The following PRPF39 variants were observed in gnomAD, a reference collection of about 807,000 sequenced individuals.
PRPF39 encodes pre-mRNA-processing factor 39.
In PRPF39, 27 loss-of-function variants were observed where a neutral mutation model predicts 82.1. The ratio of observed to expected loss-of-function variants is 0.33; its 90% CI spans 0.24 to 0.45. PRPF39 has a LOEUF of 0.45. Among genes scored for constraint, PRPF39 ranks in the 20% least tolerant of loss-of-function variants. PRPF39 has a pLI of 1.00. For synonymous variants in PRPF39, 261 were observed against 256.4 expected, an observed-to-expected ratio of 1.02 and a Z score of -0.17; for missense variants, 581 against 796.9, an observed-to-expected ratio of 0.73 and a Z score of 3.26.
rs749729923 is a variant in PRPF39, at chr14:45,114,559, T to C, written c.1898T>C (p.Ile633Thr). The change falls in exon 13 of 14, where the codon ATT becomes ACT. Residue 633 changes from isoleucine to threonine, a missense_variant. Transcript: ENST00000355765. ...ACAACTTCATCATCTACACAGATGA[T>C]TGATGGTGATTTACAGGCAAACCAA... is the stretch of plus-strand genomic sequence containing the variant. ...EDTTSSSTQM[I>T]DGDLQANQAV... The C allele has an allele frequency of 1.2e-5, 20 of 1,608,500 alleles. No homozygotes were observed. Among genetic ancestry groups the C allele is most frequent in the South Asian group, 3.3e-5 (3 of 89,730 alleles).
chr14:45,095,380 C>G lies in PRPF39; in HGVS notation c.141C>G (p.Asp47Glu). The G allele has an allele frequency of 6.2e-7, 1 of 1,613,970 alleles. No homozygotes were observed. The highest frequency in any genetic ancestry group is 8.5e-7 in the Non-Finnish European group (1 of 1,179,872). ...NVTEMEQSPD[D>E]SPNVNASTEE... ...CAGAAATGGAACAGTCACCTGATGA[C>G]TCTCCCAATGTGAATGCATCTACAG... Residue 47 changes from aspartate to glutamate, a missense_variant, in exon 2 of 14, where the codon GAC (aspartate) becomes GAG (glutamate). Physicochemically the swap from Asp to Glu is conservative, Grantham distance 45. Transcript: ENST00000355765.
rs564401498 is a variant in PRPF39, at chr14:45,107,264, G to A, written c.738-187G>A. On this transcript the variant is annotated intron_variant, in intron 5 of 13. Transcript: ENST00000355765. ...AAGAAATTGAAGATGTCTATAGACT[G>A]TTTTATCATATGGTAGTGTTTTATC... Among the ~76,000 whole-genome samples the A allele has an allele frequency of 1.4e-3, 208 of 152,208 alleles. 1 individual carries two copies. Among genetic ancestry groups the A allele is most frequent in the Non-Finnish European group, 2.3e-3 (158 of 68,004 alleles).
intron 1 of PRPF39, among the ~76,000 whole-genome samples, chr14:45,091,807 G>T (rs923373431): frequency 6.6e-6 from 1 of 152,196 alleles, no homozygotes; most frequent in Non-Finnish European, 1.5e-5. Flanking sequence ...GGGATATAAA[G>T]CAATGGACAG....
intron 5 of PRPF39, among the ~76,000 whole-genome samples, chr14:45,106,168 G>A (rs898856698): frequency 6.6e-6 from 1 of 151,944 alleles, no homozygotes; most frequent in Non-Finnish European, 1.5e-5. Flanking sequence ...TGCCAACAAG[G>A]TGAAACCCCG....
chr14:45,107,205 G>A (rs954938100), intron 5 of PRPF39, among the ~76,000 whole-genome samples: 4 of 152,128 alleles, frequency 2.6e-5, no homozygotes, highest in Admixed American at 1.3e-4. Context: ...ATTTATGCCC[G>A]TCCATGCCTT....
intron 1 of PRPF39, among the ~76,000 whole-genome samples, chr14:45,091,467 G>A (rs1884022916): frequency 6.6e-6 from 1 of 152,168 alleles, no homozygotes; most frequent in African/African-American, 2.4e-5. Flanking sequence ...TGATGGAAAT[G>A]TTTTAGAATC....
At position 45,107,578 on chromosome 14, in the gene PRPF39, C is replaced by T. The variant is rs1396236469; in HGVS notation, c.865C>T (p.Leu289=). The T allele has an allele frequency of 6.4e-7, 1 of 1,552,550 alleles. No homozygotes were observed. Among genetic ancestry groups the T allele is most frequent in the East Asian group, 2.4e-5 (1 of 40,998 alleles). Residue 289 remains leucine (L), a synonymous_variant, in exon 6 of 14, where the codon CTA becomes TTA. Transcript: ENST00000355765. ...TGATGATGGTCCTCCTGGTGATGAT[C>T]TACCATCGGGAATTGAAGACATAAC... ...SGDDGPPGDD[L]PSGIEDITDP...
intron 1 of PRPF39, among the ~76,000 whole-genome samples, chr14:45,087,824 T>C (rs1883889559): frequency 6.7e-6 from 1 of 150,082 alleles, no homozygotes; most frequent in South Asian, 2.1e-4. Context: ...CCTGACCTCA[T>C]GATCCGCCCG....
intron 1 of PRPF39, among the ~76,000 whole-genome samples, chr14:45,085,181 C>T (rs932783908): frequency 1.3e-5 from 2 of 152,114 alleles, no homozygotes; most frequent in East Asian, 1.9e-4. Flanking sequence ...AAAGAACAAG[C>T]GTCTACTGTC....
intron 4 of PRPF39, among the ~76,000 whole-genome samples, chr14:45,102,190 TTGTCTTC>T (rs1884396837): frequency 6.6e-6 from 1 of 152,198 alleles, no homozygotes; most frequent in African/African-American, 2.4e-5. Context: ...TGTTTTAATT[TTGTCTTC>T]TGTCATAAAT....
intron 5 of PRPF39, among the ~76,000 whole-genome samples, chr14:45,105,933 C>T (rs1319498934): frequency 5.9e-5 from 9 of 152,018 alleles, no homozygotes; most frequent in Admixed American, 4.6e-4. Flanking sequence ...TTAAAAGTCC[C>T]GAGGTGATGA....
chr14:45,109,334 A>G (rs1884633736), intron 7 of PRPF39, among the ~76,000 whole-genome samples: 1 of 152,166 alleles, frequency 6.6e-6, no homozygotes, highest in South Asian at 2.1e-4. Flanking sequence ...TTCTGTCACT[A>G]TGGTTGTTCA....
chr14:45,097,783 CA>C (rs1224597475), intron 4 of PRPF39, among the ~76,000 whole-genome samples: 1 of 152,046 alleles, frequency 6.6e-6, no homozygotes, highest in Non-Finnish European at 1.5e-5. Flanking sequence ...TTCTTGATTA[CA>C]GTAGTTTGCT....
Position 45,095,553 on chromosome 14 carries a change from T to A in PRPF39, c.314T>A (p.Val105Glu). The change falls in exon 2 of 14, where the codon GTA (valine) becomes GAA (glutamate). Residue 105 changes from valine (V) to glutamate (E), a missense_variant. Physicochemically the swap from Val to Glu is moderately radical, Grantham distance 121. Coordinates refer to ENST00000355765, the MANE Select transcript of PRPF39 (RefSeq NM_017922.4). ...FTGWVYLLQY[V>E]EQENHLMAAR... Reference sequence around the variant, plus strand: ...GGCTGGGTATATTTGCTTCAATATGTAGAACAGGAGGTTAGTAACTATTAA... The same window carrying A: ...GGCTGGGTATATTTGCTTCAATATGAAGAACAGGAGGTTAGTAACTATTAA... 1 of 1,598,224 alleles carries A rather than the reference T, an allele frequency of 6.3e-7. No individual in the cohort carries two copies. Among genetic ancestry groups the A allele is most frequent in the Non-Finnish European group, 8.5e-7 (1 of 1,171,886 alleles).
intron 4 of PRPF39, among the ~76,000 whole-genome samples, chr14:45,098,878 AGT>A (rs1408286119): frequency 6.6e-6 from 1 of 152,176 alleles, no homozygotes; most frequent in Non-Finnish European, 1.5e-5. Context: ...CTTTTAGAAG[AGT>A]GTGTCCTATA....
At chr14:45,092,456 C>G (rs776732768) in intron 1 of PRPF39, among the ~76,000 whole-genome samples, 1 of 152,006 alleles carries the variant, frequency 6.6e-6, no homozygotes, top group Non-Finnish European at 1.5e-5. Flanking sequence ...CAAAAATTAG[C>G]TGGGCATGGT....
At chr14:45,107,407 A>G (rs1394351481) in intron 5 of PRPF39, 44 bp from the exon 6 acceptor site, 14 of 1,404,080 alleles carry the variant, frequency 1.0e-5, no homozygotes, top group African/African-American at 1.4e-5. Context: ...TATGAGATCT[A>G]AAATTATGAT....
intron 1 of PRPF39, among the ~76,000 whole-genome samples, chr14:45,089,507 C>T (rs2139035680): frequency 6.6e-6 from 1 of 152,294 alleles, no homozygotes; most frequent in East Asian, 1.9e-4. Flanking sequence ...CTGGCTCTGT[C>T]ACCCAGGCTG....
At position 45,110,963 on chromosome 14, in the gene PRPF39, T is replaced by C; in HGVS notation, c.1572+146T>C. On this transcript the variant is annotated intron_variant, in intron 10 of 13. Transcript: ENST00000355765. The surrounding 1 kb of genome is among the most constrained non-coding windows in gnomAD (Gnocchi z 4.0). ...GGACAACAGTCCCTCTAAACTGATGTTGCCATTTAAAAATTTTTTTCAAAT... is the reference window on the plus strand; with the variant it reads ...GGACAACAGTCCCTCTAAACTGATGCTGCCATTTAAAAATTTTTTTCAAAT... 2.5e-6 allele frequency: 2 copies of C among 808,992 alleles called. No homozygotes were observed. Among genetic ancestry groups the C allele is most frequent in the Non-Finnish European group, 3.7e-6 (2 of 537,730 alleles). 50.1% of individuals were successfully genotyped at this position (808,992 alleles called of 1,614,324 possible).
Sources: gnomAD v4.1 joint callset for allele counts (sites outside exome capture counted in the v4.1 genomes callset) on GRCh38, gnomAD v4.1.1 for gene constraint, Gnocchi (gnomAD v3.1) non-coding constraint, MANE v1.5 for transcripts, NCBI Gene and HGNC (gene_info 2026-07-23, HGNC 2026-07-21) for gene names.